Variants in STX2 observed in about 807,000 individuals in gnomAD.
STX2 encodes syntaxin 2, also known as syntaxin-2.
Under a neutral mutation model 40.6 loss-of-function variants are expected in STX2, and 27 were observed. The observed-to-expected ratio is 0.66, with a 90% confidence interval of 0.49 to 0.92. The LOEUF (loss-of-function observed/expected upper bound fraction) is 0.92. STX2 is among the 40% of genes least tolerant of loss of function. The pLI, the probability that STX2 is intolerant of heterozygous loss-of-function variation, is 0.00. For missense variants in STX2, 328 were observed against 366.1 expected (o/e 0.90, Z 0.85); for synonymous variants, 123 against 119.1 (o/e 1.03, Z -0.22).
At chr12:130,801,955 CAT>C (rs1288406329) in intron 6 of STX2, among the ~76,000 whole-genome samples, 1 of 152,166 alleles carries the variant, frequency 6.6e-6, no homozygotes, top group Non-Finnish European at 1.5e-5. Flanking sequence ...TTCGAAGAAA[CAT>C]GTACACAGGT....
At chr12:130,823,730 T>C (rs1952199365) in intron 2 of STX2, among the ~76,000 whole-genome samples, 1 of 152,198 alleles carries the variant, frequency 6.6e-6, no homozygotes, top group South Asian at 2.1e-4. Context: ...TGAAGCACAG[T>C]GATTGCGGTG....
chr12:130,828,284 G>C (rs1399429122), intron 1 of STX2, among the ~76,000 whole-genome samples: 2 of 151,706 alleles, frequency 1.3e-5, no homozygotes, highest in Non-Finnish European at 2.9e-5. Flanking sequence ...GGAGTGTGCA[G>C]TGGCAGGATC....
At chr12:130,833,248 A>G (rs73162900) in intron 1 of STX2, among the ~76,000 whole-genome samples, 10 of 152,096 alleles carry the variant, frequency 6.6e-5, no homozygotes, top group Non-Finnish European at 8.8e-5. Context: ...AAACGTCAAC[A>G]AACGGAAACA....
chr12:130,834,221 T>TA lies in STX2; in HGVS notation c.30+4848dup, dbSNP rs1203150774. ...CAATGTGGTGAAACTCCACTTCTAC[T>TA]AAAAATACAAAAATCAGCTGGGTGT... is the stretch of plus-strand genomic sequence containing the variant. On this transcript the variant is annotated intron_variant, in intron 1 of 10. Coordinates refer to ENST00000392373, the MANE Select transcript of STX2 (RefSeq NM_194356.4). Among the ~76,000 whole-genome samples the TA allele has an allele frequency of 2.0e-5, 3 of 151,860 alleles. No individual in the cohort carries two copies. The East Asian group carries it at 5.8e-4, about 29-fold the overall frequency.
intron 4 of STX2, among the ~76,000 whole-genome samples, 168 bp from the exon 5 acceptor site, chr12:130,808,872 G>A (rs1395705588): frequency 6.6e-6 from 1 of 152,138 alleles, no homozygotes; most frequent in Non-Finnish European, 1.5e-5. Flanking sequence ...CCCTCAATAG[G>A]AAATTATTTT....
intron 3 of STX2, among the ~76,000 whole-genome samples, chr12:130,818,185 A>AAAAAAT: frequency 1.8e-4 from 13 of 70,540 alleles, no homozygotes; most frequent in African/African-American, 1.1e-3. Context: ...AAAAAAAAAA[A>AAAAAAT]ATATATATAT....
Position 130,795,775 on chromosome 12 carries a change from T to C in STX2, c.*45+220A>G, listed in dbSNP as rs757056777. 7.9e-5 allele frequency among the ~76,000 whole-genome samples: 12 copies of C among 152,156 alleles called. 1 individual carries two copies. The Middle Eastern group carries it at 0.01, about 129-fold the overall frequency. ...TTAAAAACGGGATAAGAAGGTGACC[T>C]TGGTTTAAAAATGAGTTACCGCCCA... On this transcript the variant is annotated intron_variant, in intron 10 of 10. Transcript: ENST00000392373.
chr12:130,814,098 C>G (rs751808160), intron 3 of STX2, among the ~76,000 whole-genome samples: 17 of 152,152 alleles, frequency 1.1e-4, no homozygotes, highest in Admixed American at 2.6e-4. Flanking sequence ...CTACAGTCAT[C>G]AGACGCAGCC....
intron 9 of STX2, among the ~76,000 whole-genome samples, chr12:130,797,257 A>G (rs979820341): frequency 2.0e-5 from 3 of 152,228 alleles, no homozygotes; most frequent in Admixed American, 1.3e-4. Flanking sequence ...TGTTCAGGTC[A>G]TGGAGAAAAG....
At chr12:130,820,244 TA>T (rs1478975454) in intron 3 of STX2, among the ~76,000 whole-genome samples, 2 of 152,170 alleles carry the variant, frequency 1.3e-5, no homozygotes, top group African/African-American at 4.8e-5. Context: ...CATGACTGGG[TA>T]CAGAGACAAT....
chr12:130,796,485 CA>C (rs1313706699), intron 9 of STX2, among the ~76,000 whole-genome samples: 1 of 151,984 alleles, frequency 6.6e-6, no homozygotes, highest in Non-Finnish European at 1.5e-5. Flanking sequence ...GACTCCATCT[CA>C]AAAAAATAAA....
rs181063602 is a variant in STX2, at chr12:130,826,958, G to A, written c.105+235C>T. Among the ~76,000 whole-genome samples the A allele has an allele frequency of 2.8e-3, 427 of 151,552 alleles. 1 individual carries two copies. The highest frequency in any genetic ancestry group is 9.8e-3 in the African/African-American group (403 of 41,272). On this transcript the variant is annotated intron_variant, in intron 2 of 10. Coordinates refer to ENST00000392373, the MANE Select transcript of STX2 (RefSeq NM_194356.4). ...TGGGAGGCAGAGGTTGCAGTGAGCC[G>A]AGATTGTGCCACTGCACTCCAGCCT...
At position 130,820,526 on chromosome 12, in the gene STX2, C is replaced by T. The variant is rs535381446; in HGVS notation, c.205+1163G>A. Among the ~76,000 whole-genome samples the T allele has an allele frequency of 8.5e-5, 13 of 152,094 alleles. No homozygotes were observed. The East Asian group carries it at 1.7e-3, about 20-fold the overall frequency. Reference sequence around the variant, plus strand: ...ACTAAAAATACAAAAATTAGCTGGGCGTGGTGGTGGGCACCTGTAGTCTCA... The same window carrying T: ...ACTAAAAATACAAAAATTAGCTGGGTGTGGTGGTGGGCACCTGTAGTCTCA... On this transcript the variant is annotated intron_variant, in intron 3 of 10. Coordinates refer to ENST00000392373, the MANE Select transcript of STX2 (RefSeq NM_194356.4).
At chr12:130,817,275 G>A (rs775535926) in intron 3 of STX2, among the ~76,000 whole-genome samples, 3 of 152,148 alleles carry the variant, frequency 2.0e-5, no homozygotes, top group Non-Finnish European at 4.4e-5. Context: ...GTATTAAAAG[G>A]AACCAAGTGG....
intron 10 of STX2, among the ~76,000 whole-genome samples, chr12:130,795,153 C>G (rs142609674): frequency 1.3e-5 from 2 of 152,124 alleles, no homozygotes; most frequent in African/African-American, 4.8e-5. Context: ...AAATATAATA[C>G]GTAATTTTCC....
At chr12:130,810,001 A>G (rs529471020) in intron 4 of STX2, among the ~76,000 whole-genome samples, 3 of 152,214 alleles carry the variant, frequency 2.0e-5, no homozygotes, top group Non-Finnish European at 4.4e-5. Flanking sequence ...CAGCCTGGCC[A>G]GCACAGCAAG....
chr12:130,807,100 C>T lies in STX2; in HGVS notation c.355-10G>A. ...GAGACAGCACCGAATGCTAACAACA[C>T]AGGAAAACTACATTCGTATCTGAGG... On this transcript the variant is annotated splice_polypyrimidine_tract_variant and intron_variant, in intron 5 of 10. Coordinates refer to ENST00000392373, the MANE Select transcript of STX2 (RefSeq NM_194356.4). 1.2e-6 allele frequency: 2 copies of T among 1,613,430 alleles called. No homozygotes were observed. The highest frequency in any genetic ancestry group is 1.7e-6 in the Non-Finnish European group (2 of 1,179,464).
chr12:130,792,064 T>C (rs1019303206), intron 10 of STX2, 87 bp from the exon 11 acceptor site: 1 of 906,360 alleles, frequency 1.1e-6, no homozygotes. Flanking sequence ...GGATTTGGGA[T>C]AGTTTAAAAA....
intron 5 of STX2, 56 bp from the exon 6 acceptor site, chr12:130,807,146 T>C: frequency 1.9e-6 from 3 of 1,546,256 alleles, no homozygotes; most frequent in Non-Finnish European, 2.7e-6. Flanking sequence ...CTACTGAAAG[T>C]GACATGCAAG....
Sources: gnomAD v4.1 joint callset for allele counts (sites outside exome capture counted in the v4.1 genomes callset) on GRCh38, gnomAD v4.1.1 for gene constraint, MANE v1.5 for transcripts, NCBI Gene and HGNC (gene_info 2026-07-23, HGNC 2026-07-21) for gene names.